The following MYL4 variants were observed in gnomAD, a reference collection of about 807,000 sequenced individuals.
The protein encoded by MYL4 is myosin light chain 4, also known as atrial myosin light chain 1.
In MYL4, 16 loss-of-function variants were observed where a neutral mutation model predicts 21.6. That is an observed-to-expected ratio of 0.74 (90% confidence interval 0.50 to 1.12). MYL4 has a LOEUF of 1.12. Among genes scored for constraint, MYL4 ranks in the 50% most tolerant of loss-of-function variants. MYL4 has a pLI of 0.00. For synonymous variants in MYL4, 82 were observed against 95.7 expected (o/e 0.86, Z 0.83); for missense variants, 249 against 252.9 (o/e 0.98, Z 0.11).
In MYL4 at chr17:47,222,226, G is replaced by C. The variant is rs114091102; in HGVS notation, c.488-154G>C. On this transcript the variant is annotated intron_variant, in intron 4 of 6. Transcript: ENST00000393450. Reference sequence around the variant, plus strand: ...AGGCAAGACCTTTAGACCCTTGGCCGCACCCTTCAGAACCTCTGGGAGAGG... The same window carrying C: ...AGGCAAGACCTTTAGACCCTTGGCCCCACCCTTCAGAACCTCTGGGAGAGG... 3,465 of 738,474 alleles carry C rather than the reference G, an allele frequency of 4.7e-3. 87 individuals are homozygous for C. The African/African-American group carries it at 0.053, about 11-fold the overall frequency. The allele number at this position is 738,474 out of a possible 1,614,324, so 45.7% of individuals were successfully genotyped here.
intron 2 of MYL4, chr17:47,214,036 T>C (rs1037079434): frequency 1.8e-6 from 1 of 552,602 alleles, no homozygotes; most frequent in Non-Finnish European, 3.3e-6. Flanking sequence ...AACAACACCA[T>C]GAGGTAGAAA....
chr17:47,201,886 C>A (rs1216474013), intron 1 of MYL4, among the ~76,000 whole-genome samples: 1 of 152,096 alleles, frequency 6.6e-6, no homozygotes, highest in Non-Finnish European at 1.5e-5. Flanking sequence ...GGTAATGCTT[C>A]TAGTATGTGT....
intron 2 of MYL4, among the ~76,000 whole-genome samples, chr17:47,218,654 G>A (rs1198719231): frequency 1.3e-5 from 2 of 152,116 alleles, no homozygotes; most frequent in Admixed American, 6.5e-5. Context: ...GTGTCGTGGT[G>A]GTGGGCGCCT....
At chr17:47,204,044 G>A (rs1216860103), upstream of MYL4, among the ~76,000 whole-genome samples, 1 of 152,216 alleles carries the variant, frequency 6.6e-6, no homozygotes, top group Admixed American at 6.5e-5. Flanking sequence ...TTTGTCTAAA[G>A]TTGGGTTGCC....
At chr17:47,224,077 C>T (rs1054775998), downstream of MYL4, among the ~76,000 whole-genome samples, 1 of 152,128 alleles carries the variant, frequency 6.6e-6, no homozygotes, top group African/African-American at 2.4e-5. Context: ...TGAAATTTAC[C>T]ATCTTAACCA....
intron 6 of MYL4, 122 bp from the exon 7 acceptor site, chr17:47,223,387 G>A (rs760249498): frequency 2.4e-5 from 7 of 297,634 alleles, no homozygotes; most frequent in Non-Finnish European, 3.7e-5. Flanking sequence ...TCCCTGGCCT[G>A]TGCTCTTGAC....
At chr17:47,189,453 A>G in the MYL4 span, 1 of 529,338 alleles carries the variant, frequency 1.9e-6, no homozygotes, top group Middle Eastern at 5.1e-4. Context: ...ACCGGAAGCT[A>G]CCGAGTCTGA....
At chr17:47,223,260 C>T in intron 6 of MYL4, 1 of 576,602 alleles carries the variant, frequency 1.7e-6, no homozygotes, top group Non-Finnish European at 3.1e-6. Context: ...TTGACCCTAT[C>T]AGTCACATCC....
At chr17:47,213,863 C>G (rs1451129589) in intron 2 of MYL4, 37 bp downstream of exon 2, 1 of 1,608,910 alleles carries the variant, frequency 6.2e-7, no homozygotes, top group Non-Finnish European at 8.5e-7. Context: ...GTCTCTATTG[C>G]ACTTTCCTGG....
intron 2 of MYL4, among the ~76,000 whole-genome samples, chr17:47,216,547 A>G (rs527791142): frequency 6.6e-6 from 1 of 152,060 alleles, no homozygotes; most frequent in Non-Finnish European, 1.5e-5. Context: ...ATATTTTTTC[A>G]TAAAGATTAA....
At chr17:47,224,139 CTG>C (rs1747198748), downstream of MYL4, among the ~76,000 whole-genome samples, 1 of 152,170 alleles carries the variant, frequency 6.6e-6, no homozygotes, top group African/African-American at 2.4e-5. Context: ...TGTTGTGTAA[CTG>C]TATTAGTCTC....
At chr17:47,194,805 T>C in the MYL4 span, among the ~76,000 whole-genome samples, 1 of 152,112 alleles carries the variant, frequency 6.6e-6, no homozygotes, top group Non-Finnish European at 1.5e-5. Context: ...TCCACCCAGG[T>C]TGGAAGCTTA....
chr17:47,199,293 A>T (rs896827766), upstream of MYL4, among the ~76,000 whole-genome samples: 16 of 125,454 alleles, frequency 1.3e-4, no homozygotes, highest in Admixed American at 3.2e-4. Context: ...ATAGAGCAAG[A>T]CTTTGTCTCA....
the MYL4 span, among the ~76,000 whole-genome samples, chr17:47,194,148 T>C: frequency 6.6e-6 from 1 of 152,262 alleles, no homozygotes; most frequent in Admixed American, 6.5e-5. Context: ...CCCAAATGAC[T>C]AACTGCCAAG....
chr17:47,196,772 C>T (rs1375388505), upstream of MYL4, among the ~76,000 whole-genome samples: 3 of 152,056 alleles, frequency 2.0e-5, no homozygotes, highest in Non-Finnish European at 2.9e-5. Context: ...TAATTTTAAT[C>T]GTATTTGTTT....
chr17:47,219,970 A>G lies in MYL4; in HGVS notation c.230A>G (p.Gln77Arg). ...GGAGAGATGAAGATCACCTACGGCCAGTGCGGGGATGTACTGCGGGCCCTG... is the reference window on the plus strand; with the variant it reads ...GGAGAGATGAAGATCACCTACGGCCGGTGCGGGGATGTACTGCGGGCCCTG... ...PTGEMKITYGQCGDVLRALGQ... is the reference protein window; with the variant it reads ...PTGEMKITYGRCGDVLRALGQ... The change falls in exon 3 of 7, where the codon CAG becomes CGG. Residue 77 changes from glutamine to arginine, a missense_variant. Gln to Arg is a conservative substitution (Grantham distance 43). Transcript: ENST00000393450. 1.2e-6 allele frequency: 2 copies of G among 1,614,216 alleles called. No individual in the cohort carries two copies. Among genetic ancestry groups the G allele is most frequent in the East Asian group, 4.5e-5 (2 of 44,870 alleles).
chr17:47,197,092 G>GT (rs71365051), upstream of MYL4, among the ~76,000 whole-genome samples: 11,967 of 112,002 alleles, frequency 0.11, 742 homozygotes, highest in East Asian at 0.15. Context: ...TCCTTAAAGG[G>GT]TTTTTTTTTT....
At chr17:47,192,463 C>T in the MYL4 span, among the ~76,000 whole-genome samples, 9 of 151,812 alleles carry the variant, frequency 5.9e-5, no homozygotes, top group East Asian at 7.8e-4. Flanking sequence ...TCCTGGCTAA[C>T]ACAGTGAAAC....
chr17:47,221,909 G>T, intron 4 of MYL4, 54 bp downstream of exon 4: 1 of 1,574,356 alleles, frequency 6.4e-7, no homozygotes, highest in Non-Finnish European at 8.6e-7. Flanking sequence ...AGGGGTGGGA[G>T]GTGCCAAGGT....
Sources: gnomAD v4.1 joint callset for allele counts (sites outside exome capture counted in the v4.1 genomes callset) on GRCh38, gnomAD v4.1.1 for gene constraint, MANE v1.5 for transcripts, NCBI Gene and HGNC (gene_info 2026-07-23, HGNC 2026-07-21) for gene names.